RPTOR: variants seen among roughly 807,000 people sequenced by gnomAD.
RPTOR encodes regulatory associated protein of MTOR complex 1.
A neutral mutation model predicts 169.9 loss-of-function variants in RPTOR; 21 were observed. That is an observed-to-expected ratio of 0.12 (90% CI 0.09 to 0.18). The LOEUF (loss-of-function observed/expected upper bound fraction) is 0.18, where lower values mean the gene tolerates loss of function less well. Among genes scored for constraint, RPTOR ranks in the 10% least tolerant of loss-of-function variants. RPTOR has a pLI of 1.00. For missense variants in RPTOR, 1,133 were observed against 1,855.9 expected, an observed-to-expected ratio of 0.61 and a Z score of 7.16; for synonymous variants, 732 against 753.2, an observed-to-expected ratio of 0.97 and a Z score of 0.46.
In RPTOR at chr17:80,625,601, A is replaced by G. The variant is rs75668767; in HGVS notation, c.163-90A>G. 705 of 1,020,668 alleles carry G rather than the reference A, an allele frequency of 6.9e-4. 2 individuals carry two copies. In the African/African-American group the frequency reaches 9.2e-3, roughly 13 times the overall value. 63.2% of individuals were successfully genotyped at this position (1,020,668 alleles called of 1,614,324 possible). On this transcript the variant is annotated intron_variant, in intron 1 of 33. Coordinates refer to ENST00000306801, the MANE Select transcript of RPTOR (RefSeq NM_020761.3). ...GGCAGGTGGGTAGGGAAGGGGCTCA[A>G]TGTTCTGGGGGACATTTTAAAAGCT... is the stretch of plus-strand genomic sequence containing the variant.
intron 10 of RPTOR, among the ~76,000 whole-genome samples, chr17:80,843,006 G>A (rs977783194): frequency 4.6e-5 from 7 of 152,292 alleles, no homozygotes; most frequent in South Asian, 4.1e-4. Flanking sequence ...CAAACTCTAC[G>A]TGACACTTTC....
At chr17:80,582,676 G>T (rs561645791) in intron 1 of RPTOR, among the ~76,000 whole-genome samples, 1 of 150,738 alleles carries the variant, frequency 6.6e-6, no homozygotes, top group African/African-American at 2.4e-5. Context: ...CTCCCGAGTA[G>T]TTGGGACTAC....
At chr17:80,898,767 TC>T (rs1193746604) in intron 20 of RPTOR, among the ~76,000 whole-genome samples, 2 of 149,294 alleles carry the variant, frequency 1.3e-5, no homozygotes, top group African/African-American at 4.9e-5. Context: ...CCCCGCCGTC[TC>T]CGTCTAGTGA....
At chr17:80,819,925 C>A (rs1435347630) in intron 7 of RPTOR, among the ~76,000 whole-genome samples, 1 of 152,140 alleles carries the variant, frequency 6.6e-6, no homozygotes. Context: ...ATGTCTGAAC[C>A]CCATGGAGCG....
At chr17:80,654,083 C>T (rs1420021667) in intron 3 of RPTOR, among the ~76,000 whole-genome samples, 1 of 152,234 alleles carries the variant, frequency 6.6e-6, no homozygotes, top group Non-Finnish European at 1.5e-5. Flanking sequence ...ATGCCAGATG[C>T]CAGGCTCAGG....
At chr17:80,580,107 T>G (rs1438034526) in intron 1 of RPTOR, among the ~76,000 whole-genome samples, 19 of 152,222 alleles carry the variant, frequency 1.2e-4, no homozygotes, top group Admixed American at 1.2e-3. Context: ...TTCAGGAGAC[T>G]CTTTGGAAAT....
chr17:80,858,035 TC>T (rs774100167), intron 13 of RPTOR, 135 bp downstream of exon 13: 10 of 733,204 alleles, frequency 1.4e-5, no homozygotes, highest in Non-Finnish European at 1.9e-5. Context: ...CTTCCTCTCT[TC>T]TGGGGTAAAG....
chr17:80,949,328 G>A, intron 27 of RPTOR, 115 bp from the exon 28 acceptor site: 1 of 877,830 alleles, frequency 1.1e-6, no homozygotes, highest in Non-Finnish European at 1.9e-6. Flanking sequence ...AGTCAGGCTG[G>A]CCGCCCAGGG....
rs1265787790 is a variant in RPTOR at position 80,820,448 on chromosome 17, C to T, written c.891-1753C>T. On this transcript the variant is annotated intron_variant, in intron 7 of 33. Transcript: ENST00000306801. The surrounding 1 kb of genome is among the most constrained non-coding windows in gnomAD (Gnocchi z 4.1). ...TGTCCCGGGCAGCCACCCCTGTTCGCGCTGGCGCTTGAGGGCTGAGATGAG... is the reference window on the plus strand; with the variant it reads ...TGTCCCGGGCAGCCACCCCTGTTCGTGCTGGCGCTTGAGGGCTGAGATGAG... Among the ~76,000 whole-genome samples, 3 of 152,190 alleles carry T rather than the reference C, an allele frequency of 2.0e-5. No individual in the cohort carries two copies. Among genetic ancestry groups the T allele is most frequent in the African/African-American group, 2.4e-5 (1 of 41,450 alleles).
intron 3 of RPTOR, among the ~76,000 whole-genome samples, chr17:80,687,306 A>G (rs1277037171): frequency 6.6e-6 from 1 of 151,986 alleles, no homozygotes; most frequent in African/African-American, 2.4e-5. Flanking sequence ...CATCCCTCAC[A>G]TGCACCATGG....
At chr17:80,576,725 A>T (rs2064966965) in intron 1 of RPTOR, among the ~76,000 whole-genome samples, 1 of 152,116 alleles carries the variant, frequency 6.6e-6, no homozygotes, top group Admixed American at 6.5e-5. Context: ...TTTTTTTGAG[A>T]CAGGGTCTCG....
intron 13 of RPTOR, among the ~76,000 whole-genome samples, chr17:80,858,630 G>A (rs772865601): frequency 3.9e-5 from 6 of 152,210 alleles, no homozygotes; most frequent in Non-Finnish European, 7.3e-5. Context: ...AGCGAGATGG[G>A]TCAGAGGAGT....
intron 10 of RPTOR, among the ~76,000 whole-genome samples, chr17:80,839,114 T>C (rs980830080): frequency 1.3e-5 from 2 of 152,188 alleles, no homozygotes; most frequent in Admixed American, 1.3e-4. Context: ...TTTTAACACA[T>C]GCAGTCGGGA....
At chr17:80,864,395 G>T (rs1036260672) in intron 13 of RPTOR, among the ~76,000 whole-genome samples, 1 of 150,072 alleles carries the variant, frequency 6.7e-6, no homozygotes, top group Non-Finnish European at 1.5e-5. Context: ...TCTTCTCACA[G>T]ATTTCCTACA....
intron 4 of RPTOR, among the ~76,000 whole-genome samples, chr17:80,710,186 G>A (rs2066175995): frequency 6.6e-6 from 1 of 151,984 alleles, no homozygotes; most frequent in Non-Finnish European, 1.5e-5. Context: ...GTAGAGCCAG[G>A]GTCTTGCCAT....
chr17:80,603,472 A>AC (rs1200091397), intron 1 of RPTOR, among the ~76,000 whole-genome samples: 1 of 152,194 alleles, frequency 6.6e-6, no homozygotes, highest in African/African-American at 2.4e-5. Flanking sequence ...GGTTAAGGGA[A>AC]CGAGGGGTGA....
In RPTOR at chr17:80,965,550, C is replaced by T. The variant is rs1045595; in HGVS notation, c.*1220C>T. 4 of 233,244 alleles carry T rather than the reference C, an allele frequency of 1.7e-5. No homozygotes were observed. The South Asian group carries it at 5.4e-4, about 32-fold the overall frequency. 14.4% of individuals were successfully genotyped at this position (233,244 alleles called of 1,614,324 possible). A position where few individuals can be genotyped will look rare whatever the true frequency, so the allele number is the denominator to read the frequency against. On this transcript the variant is annotated 3_prime_UTR_variant, in exon 34 of 34. Coordinates refer to ENST00000306801, the MANE Select transcript of RPTOR (RefSeq NM_020761.3). Reference sequence around the variant, plus strand: ...TGAAAAGTGTTCTTTCCGTGTTCGTCGGGAATCAGGATTATTGAGAGGTGA... The same window carrying T: ...TGAAAAGTGTTCTTTCCGTGTTCGTTGGGAATCAGGATTATTGAGAGGTGA...
At position 80,721,374 on chromosome 17, in the gene RPTOR, G is replaced by A. The variant is rs79804423; in HGVS notation, c.508-9186G>A. ...AAGGATGGCAAGTTGAGTAACCTCA[G>A]GGGTAAGCAAGGAGGTGTGAGAATC... On this transcript the variant is annotated intron_variant, in intron 4 of 33. Transcript: ENST00000306801. This position sits in a 1 kb window ranked among gnomAD's most constrained non-coding sequence, Gnocchi z 4.7. Among the ~76,000 whole-genome samples, 5,525 of 151,494 alleles carry A rather than the reference G, an allele frequency of 0.036. 653 individuals carry two copies. Among genetic ancestry groups the A allele is most frequent in the African/African-American group, 0.13 (5,297 of 40,746 alleles).
At chr17:80,782,294 A>C (rs1236132668) in intron 6 of RPTOR, among the ~76,000 whole-genome samples, 1 of 152,224 alleles carries the variant, frequency 6.6e-6, no homozygotes, top group Non-Finnish European at 1.5e-5. Context: ...GCTTCTTTAT[A>C]TAGAAAGAAC....
Sources: allele counts gnomAD v4.1 joint callset (sites outside exome capture counted in the v4.1 genomes callset), GRCh38; gene constraint gnomAD v4.1.1; non-coding constraint Gnocchi (gnomAD v3.1); transcripts MANE v1.5; gene names NCBI Gene and HGNC (gene_info 2026-07-23, HGNC 2026-07-21).